Variants in FAM120A observed in about 807,000 individuals in gnomAD.
The protein encoded by FAM120A is family with sequence similarity 120 member A.
FAM120A carries 15 observed loss-of-function variants against 109.7 expected under a neutral mutation model. The observed-to-expected ratio is 0.14, with a 90% confidence interval of 0.09 to 0.21. The LOEUF is 0.21. Among genes scored for constraint, FAM120A ranks in the 10% least tolerant of loss-of-function variants. The probability of loss-of-function intolerance (pLI) is 1.00; values close to 1 mark genes in which losing one functional copy is unlikely to be tolerated. For missense variants in FAM120A, 899 were observed against 1,439.3 expected, an observed-to-expected ratio of 0.62 and a Z score of 6.07; for synonymous variants, 493 against 572.8, an observed-to-expected ratio of 0.86 and a Z score of 1.99.
intron 5 of FAM120A, among the ~76,000 whole-genome samples, chr9:93,511,945 C>T (rs917803086): frequency 6.6e-6 from 1 of 152,188 alleles, no homozygotes; most frequent in African/African-American, 2.4e-5. Context: ...GCGCCTGCCA[C>T]CATGCCTGGC....
intron 7 of FAM120A, among the ~76,000 whole-genome samples, chr9:93,524,984 TAGA>T (rs1564344252): frequency 6.6e-6 from 1 of 152,180 alleles, no homozygotes; most frequent in Admixed American, 6.5e-5. Context: ...TAAATATATA[TAGA>T]AGTATTCTAA....
chr9:93,470,875 A>T (rs1326284310), intron 1 of FAM120A, among the ~76,000 whole-genome samples: 1 of 152,012 alleles, frequency 6.6e-6, no homozygotes, highest in Non-Finnish European at 1.5e-5. Context: ...GTGATCTTTG[A>T]GCTTGACAAG....
At chr9:93,484,030 G>T (rs1564319575) in intron 3 of FAM120A, among the ~76,000 whole-genome samples, 3 of 151,378 alleles carry the variant, frequency 2.0e-5, no homozygotes, top group Non-Finnish European at 4.4e-5. Flanking sequence ...TAGTTTTTCT[G>T]TGTCTCTCTT....
At chr9:93,529,961 T>G in intron 9 of FAM120A, 1 of 442,732 alleles carries the variant, frequency 2.3e-6, no homozygotes, top group Non-Finnish European at 4.0e-6. Flanking sequence ...ATCTGGTTCC[T>G]TTATCATTTG....
chr9:93,546,327 CTAAGG>C (rs1861888725), intron 11 of FAM120A, among the ~76,000 whole-genome samples: 1 of 152,114 alleles, frequency 6.6e-6, no homozygotes, highest in African/African-American at 2.4e-5. Flanking sequence ...TATACTTGAC[CTAAGG>C]TACATACTGG....
At chr9:93,495,076 AG>A (rs893364240) in intron 3 of FAM120A, among the ~76,000 whole-genome samples, 2 of 152,152 alleles carry the variant, frequency 1.3e-5, no homozygotes, top group Non-Finnish European at 2.9e-5. Flanking sequence ...TGCTGCCTAC[AG>A]GGGGGCCAGC....
intron 10 of FAM120A, among the ~76,000 whole-genome samples, chr9:93,536,974 G>C (rs1000013941): frequency 6.6e-6 from 1 of 152,206 alleles, no homozygotes. Flanking sequence ...TAACACCCAG[G>C]GGCATGCAGA....
intron 5 of FAM120A, among the ~76,000 whole-genome samples, chr9:93,509,756 A>C (rs1008784218): frequency 6.6e-6 from 1 of 152,178 alleles, no homozygotes; most frequent in African/African-American, 2.4e-5. Flanking sequence ...CAGTAGAATG[A>C]GTGGTGGCGT....
chr9:93,510,275 T>C (rs1352450569), intron 5 of FAM120A, among the ~76,000 whole-genome samples: 2 of 152,252 alleles, frequency 1.3e-5, no homozygotes, highest in East Asian at 3.8e-4. Context: ...TGCCTGATCA[T>C]GTGGCCATTT....
chr9:93,549,094 C>G (rs889137862), intron 11 of FAM120A, among the ~76,000 whole-genome samples: 17 of 152,016 alleles, frequency 1.1e-4, no homozygotes, highest in Non-Finnish European at 1.9e-4. Flanking sequence ...TCAGTAAGAC[C>G]ATTGTATTTA....
At chr9:93,529,830 T>C in intron 9 of FAM120A, 1 of 574,706 alleles carries the variant, frequency 1.7e-6, no homozygotes, top group Non-Finnish European at 3.1e-6. Flanking sequence ...ATACTTCTAA[T>C]GAAATAATGC....
At chr9:93,550,784 C>G in intron 12 of FAM120A, 93 bp downstream of exon 12, 1 of 846,650 alleles carries the variant, frequency 1.2e-6, no homozygotes, top group Non-Finnish European at 1.9e-6. Flanking sequence ...ATTGCTAATT[C>G]TTTAAACTAA....
intron 5 of FAM120A, among the ~76,000 whole-genome samples, chr9:93,504,331 GA>G (rs1859938573): frequency 6.6e-6 from 1 of 152,134 alleles, no homozygotes; most frequent in South Asian, 2.1e-4. Flanking sequence ...AAAGCTCATG[GA>G]ATAATTTTTA....
At chr9:93,479,344 C>T (rs377270821) in intron 3 of FAM120A, among the ~76,000 whole-genome samples, 4 of 151,996 alleles carry the variant, frequency 2.6e-5, no homozygotes, top group African/African-American at 9.7e-5. Context: ...GTGATCCGCC[C>T]GCCTCGGCCT....
intron 11 of FAM120A, 72 bp from the exon 12 acceptor site, chr9:93,550,505 T>G: frequency 2.7e-6 from 3 of 1,096,692 alleles, no homozygotes; most frequent in Non-Finnish European, 4.2e-6. Context: ...ACCTAGAACC[T>G]CCCACTGGAC....
intron 12 of FAM120A, 132 bp downstream of exon 12, chr9:93,550,823 T>G: frequency 1.6e-6 from 1 of 621,942 alleles, no homozygotes. Context: ...CTAATAATAC[T>G]AATATGATAA....
chr9:93,465,947 C>T (rs759360847), intron 1 of FAM120A, among the ~76,000 whole-genome samples: 16 of 152,096 alleles, frequency 1.1e-4, no homozygotes, highest in Non-Finnish European at 1.8e-4. Context: ...GATGCTTTCT[C>T]TATATTAAAT....
rs1232663768 is a variant in FAM120A at position 93,498,431 on chromosome 9, T to A, written c.934-359T>A. ...AGAGCTGAAACCCTGGGCAGGAACA[T>A]CCCCAGTCTGTCACTGCCATCCGTT... is the stretch of plus-strand genomic sequence containing the variant. On this transcript the variant is annotated intron_variant, in intron 4 of 17. Coordinates refer to ENST00000277165, the MANE Select transcript of FAM120A (RefSeq NM_014612.5). The surrounding 1 kb of genome is among the most constrained non-coding windows in gnomAD (Gnocchi z 4.4). Among the ~76,000 whole-genome samples the A allele has an allele frequency of 6.6e-6, 1 of 152,020 alleles. No homozygotes were observed. The highest frequency in any genetic ancestry group is 1.5e-5 in the Non-Finnish European group (1 of 68,004).
chr9:93,468,605 A>T (rs983488528), intron 1 of FAM120A, among the ~76,000 whole-genome samples: 1 of 152,184 alleles, frequency 6.6e-6, no homozygotes, highest in Non-Finnish European at 1.5e-5. Flanking sequence ...CTTTTACCAC[A>T]AAGTTTTACA....
Sources: allele counts gnomAD v4.1 joint callset (sites outside exome capture counted in the v4.1 genomes callset), GRCh38; gene constraint gnomAD v4.1.1; non-coding constraint Gnocchi (gnomAD v3.1); transcripts MANE v1.5; gene names NCBI Gene and HGNC (gene_info 2026-07-23, HGNC 2026-07-21).